The following ARHGAP10 variants were observed in gnomAD, a reference collection of about 807,000 sequenced individuals.
ARHGAP10 encodes rho GTPase-activating protein 10.
Under a neutral mutation model 108.6 loss-of-function variants are expected in ARHGAP10, and 87 were observed. The observed-to-expected ratio is 0.80, with a 90% CI of 0.67 to 0.96. The LOEUF (loss-of-function observed/expected upper bound fraction) is 0.96. Ranked by LOEUF, ARHGAP10 falls within the 40% of genes least tolerant of loss-of-function variation. The pLI, the probability that ARHGAP10 is intolerant of heterozygous loss-of-function variation, is 0.00. For missense variants in ARHGAP10, 939 were observed against 954.5 expected (o/e 0.98, Z 0.21); for synonymous variants, 347 against 341.1 (o/e 1.02, Z -0.19).
chr4:147,999,146 C>T (rs1740593808), intron 18 of ARHGAP10, among the ~76,000 whole-genome samples: 1 of 152,194 alleles, frequency 6.6e-6, no homozygotes, highest in South Asian at 2.1e-4. Context: ...GACCTGTAAA[C>T]ACGGGGCTTG....
chr4:147,948,626 G>T (rs1738476564), intron 15 of ARHGAP10, among the ~76,000 whole-genome samples: 1 of 151,986 alleles, frequency 6.6e-6, no homozygotes, highest in Non-Finnish European at 1.5e-5. Context: ...TTTCAAATGG[G>T]CTTTGTTAGA....
intron 18 of ARHGAP10, among the ~76,000 whole-genome samples, chr4:148,001,659 T>A (rs1458022823): frequency 1.3e-5 from 2 of 151,334 alleles, no homozygotes; most frequent in Admixed American, 1.3e-4. Flanking sequence ...CTAGGTATTT[T>A]ATTCTCTTTG....
At chr4:147,823,012 T>A in intron 3 of ARHGAP10, 55 bp downstream of exon 3, 1 of 1,525,458 alleles carries the variant, frequency 6.6e-7, no homozygotes, top group Non-Finnish European at 9.1e-7. Context: ...GAAAAAAATC[T>A]GGATTTGGAA....
chr4:147,877,046 A>G (rs1023958106), intron 8 of ARHGAP10, among the ~76,000 whole-genome samples: 1 of 152,148 alleles, frequency 6.6e-6, no homozygotes, highest in Non-Finnish European at 1.5e-5. Context: ...GTATGCCCAG[A>G]GCTGGTTGAA....
At chr4:147,933,444 G>C (rs1737784832) in intron 13 of ARHGAP10, among the ~76,000 whole-genome samples, 1 of 151,252 alleles carries the variant, frequency 6.6e-6, no homozygotes, top group South Asian at 2.1e-4. Context: ...GGGATTAGCT[G>C]TTTATTTTCA....
At chr4:147,739,145 C>T (rs1000620196) in intron 1 of ARHGAP10, among the ~76,000 whole-genome samples, 1 of 149,130 alleles carries the variant, frequency 6.7e-6, no homozygotes, top group Non-Finnish European at 1.5e-5. Flanking sequence ...TGAGATCACG[C>T]CATTGCACTC....
At chr4:147,923,486 G>T (rs577571571) in intron 13 of ARHGAP10, among the ~76,000 whole-genome samples, 1 of 152,264 alleles carries the variant, frequency 6.6e-6, no homozygotes, top group Admixed American at 6.5e-5. Context: ...TTTTGTTTAT[G>T]AAGTTTCTCT....
intron 7 of ARHGAP10, 39 bp downstream of exon 7, chr4:147,866,855 A>C: frequency 6.7e-7 from 1 of 1,500,144 alleles, no homozygotes; most frequent in Non-Finnish European, 9.3e-7. Flanking sequence ...AAGATGTTTG[A>C]AAAGTATTTT....
intron 1 of ARHGAP10, among the ~76,000 whole-genome samples, chr4:147,737,243 C>G (rs951320901): frequency 1.3e-5 from 2 of 151,986 alleles, no homozygotes; most frequent in Non-Finnish European, 2.9e-5. Context: ...CTCCGTCTCC[C>G]GGGTTCAAGT....
intron 11 of ARHGAP10, 147 bp downstream of exon 11, chr4:147,906,866 A>G (rs1228968958): frequency 3.2e-6 from 3 of 930,700 alleles, no homozygotes; most frequent in Non-Finnish European, 5.0e-6. Flanking sequence ...TCAACATTCT[A>G]GTAATTTGGG....
At chr4:147,795,032 T>A (rs1731260533) in intron 1 of ARHGAP10, among the ~76,000 whole-genome samples, 1 of 152,208 alleles carries the variant, frequency 6.6e-6, no homozygotes, top group South Asian at 2.1e-4. Context: ...AAATATTAAT[T>A]TCCTTTGTGG....
At chr4:147,972,962 C>T (rs191415350) in intron 18 of ARHGAP10, among the ~76,000 whole-genome samples, 38 of 151,964 alleles carry the variant, frequency 2.5e-4, no homozygotes, top group African/African-American at 9.2e-4. Context: ...TTCATGTTGG[C>T]CAGGCTGGTT....
At position 148,060,344 on chromosome 4, in the gene ARHGAP10, A is replaced by ACTTTTTTTTTTTTTTTTT. The variant is rs1411745355; in HGVS notation, c.2028-2804_2028-2803insCTTTTTTTTTTTTTTTTT. Among the ~76,000 whole-genome samples, 7 of 120,840 alleles carry ACTTTTTTTTTTTTTTTTT rather than the reference A, an allele frequency of 5.8e-5. 3 individuals carry two copies. The highest frequency in any genetic ancestry group is 7.0e-5 in the Non-Finnish European group (4 of 56,892). The allele number at this position is 120,840 out of a possible 152,430, so 79.3% of individuals were successfully genotyped here. On this transcript the variant is annotated intron_variant, in intron 20 of 22. Transcript: ENST00000336498. Reference sequence around the variant, plus strand: ...TGGTTACATAACGAAGCTCATGTTTAGTTTTTTTTTTTTTTTTTTTTTGGC... The same window carrying ACTTTTTTTTTTTTTTTTT: ...TGGTTACATAACGAAGCTCATGTTTACTTTTTTTTTTTTTTTTTGTTTTTTTTTTTTTTTTTTTTTGGC...
chr4:147,744,140 T>C lies in ARHGAP10; in HGVS notation c.154+11685T>C, dbSNP rs144853053. The stretch of plus-strand genomic sequence containing the variant: ...ATTGTTGAATCAGTATGGGATGCGA[T>C]GACTGTAGTTAACAGGACTACCTAG... On this transcript the variant is annotated intron_variant, in intron 1 of 22. Coordinates refer to ENST00000336498, the MANE Select transcript of ARHGAP10 (RefSeq NM_024605.4). Among the ~76,000 whole-genome samples the C allele has an allele frequency of 5.4e-4, 83 of 152,352 alleles. 1 individual carries two copies. Among genetic ancestry groups the C allele is most frequent in the African/African-American group, 1.8e-3 (73 of 41,574 alleles).
chr4:148,018,076 A>G (rs1741417527), intron 18 of ARHGAP10, among the ~76,000 whole-genome samples: 2 of 152,232 alleles, frequency 1.3e-5, no homozygotes, highest in East Asian at 3.9e-4. Context: ...TGGCATGCCT[A>G]CGCGTGGAGT....
chr4:147,795,102 A>G (rs1731262875), intron 1 of ARHGAP10, among the ~76,000 whole-genome samples: 1 of 152,056 alleles, frequency 6.6e-6, no homozygotes, highest in Non-Finnish European at 1.5e-5. Flanking sequence ...TTTTCCTTAG[A>G]GACAGGGTCT....
At chr4:147,956,534 C>T (rs1173135574) in intron 16 of ARHGAP10, among the ~76,000 whole-genome samples, 1 of 152,188 alleles carries the variant, frequency 6.6e-6, no homozygotes, top group African/African-American at 2.4e-5. Context: ...AAAATTTTTT[C>T]GGCAAAAACT....
chr4:147,936,898 T>C (rs1003735151), intron 13 of ARHGAP10, among the ~76,000 whole-genome samples: 3 of 152,190 alleles, frequency 2.0e-5, no homozygotes, highest in African/African-American at 7.2e-5. Context: ...CGGTGAGCAG[T>C]GGGCAAGCCT....
Position 147,793,975 on chromosome 4 carries a change from A to C in ARHGAP10, c.155-28752A>C, listed in dbSNP as rs367623990. On this transcript the variant is annotated intron_variant, in intron 1 of 22. Transcript: ENST00000336498. The stretch of plus-strand genomic sequence containing the variant: ...CCAGTAAAATGTTTAATTTTCAAAC[A>C]GTTCTACTATTCTTAAAATGTTCTG... Among the ~76,000 whole-genome samples the C allele has an allele frequency of 2.6e-5, 4 of 152,378 alleles. No homozygotes were observed. In the East Asian group the frequency reaches 7.7e-4, roughly 29 times the overall value.
Sources: allele counts gnomAD v4.1 joint callset (sites outside exome capture counted in the v4.1 genomes callset), GRCh38; gene constraint gnomAD v4.1.1; transcripts MANE v1.5; gene names NCBI Gene and HGNC (gene_info 2026-07-23, HGNC 2026-07-21).